The following CNTN4 variants were observed in gnomAD, a reference collection of about 807,000 sequenced individuals.
The protein encoded by CNTN4 is contactin 4.
CNTN4 carries 77 observed loss-of-function variants against 122.5 expected under a neutral mutation model. The ratio of observed to expected loss-of-function variants is 0.63; its 90% CI spans 0.52 to 0.76. The LOEUF (loss-of-function observed/expected upper bound fraction) is 0.76, where lower values mean the gene tolerates loss of function less well. Among genes scored for constraint, CNTN4 ranks in the 30% least tolerant of loss-of-function variants. CNTN4 has a pLI of 0.00. For missense variants in CNTN4, 1,256 were observed against 1,259.1 expected (o/e 1.00, Z 0.04); for synonymous variants, 512 against 447.0 (o/e 1.15, Z -1.83).
intron 3 of CNTN4, among the ~76,000 whole-genome samples, chr3:2,400,451 C>CATATATATATATATATA (rs1559520108): frequency 1.9e-5 from 2 of 107,994 alleles, no homozygotes; most frequent in Non-Finnish European, 2.0e-5. Context: ...ATATATATAT[C>CATATATATATATATATA]TCTTTTTTTC....
chr3:2,289,114 T>G (rs181666692), intron 2 of CNTN4, among the ~76,000 whole-genome samples: 159 of 152,308 alleles, frequency 1.0e-3, no homozygotes, highest in Non-Finnish European at 1.8e-3. Flanking sequence ...GGCTATACAT[T>G]TATAGTTTTA....
At chr3:2,211,261 C>T (rs2038603480) in intron 2 of CNTN4, among the ~76,000 whole-genome samples, 1 of 152,074 alleles carries the variant, frequency 6.6e-6, no homozygotes, top group Admixed American at 6.5e-5. Flanking sequence ...ATCACAAAGA[C>T]AACAGCAAGC....
At chr3:2,551,892 G>A (rs1462076665) in intron 3 of CNTN4, among the ~76,000 whole-genome samples, 5 of 152,136 alleles carry the variant, frequency 3.3e-5, no homozygotes, top group Admixed American at 2.0e-4. Context: ...AAATATTGCT[G>A]TCATCTTAGA....
chr3:2,983,414 T>G (rs949990094), intron 13 of CNTN4, among the ~76,000 whole-genome samples: 2 of 151,986 alleles, frequency 1.3e-5, no homozygotes, highest in African/African-American at 4.8e-5. Flanking sequence ...ACTCAGCAGT[T>G]GTCTTAGTCT....
intron 6 of CNTN4, among the ~76,000 whole-genome samples, chr3:2,812,739 A>G (rs963580280): frequency 1.3e-5 from 2 of 152,230 alleles, no homozygotes; most frequent in African/African-American, 4.8e-5. Context: ...ACCAGGCAGC[A>G]TCTTAAGTGC....
intron 2 of CNTN4, among the ~76,000 whole-genome samples, chr3:2,278,463 G>T (rs1283747102): frequency 6.6e-6 from 1 of 152,084 alleles, no homozygotes; most frequent in East Asian, 1.9e-4. Context: ...TTCTGCCAAG[G>T]TCAGCTCCTC....
At chr3:2,352,474 C>T (rs2044669962) in intron 3 of CNTN4, among the ~76,000 whole-genome samples, 1 of 152,206 alleles carries the variant, frequency 6.6e-6, no homozygotes, top group Admixed American at 6.5e-5. Context: ...CTCCACGGGC[C>T]CCACACTCAG....
intron 2 of CNTN4, among the ~76,000 whole-genome samples, chr3:2,161,766 A>T (rs2035976607): frequency 6.6e-6 from 1 of 152,222 alleles, no homozygotes; most frequent in Non-Finnish European, 1.5e-5. Context: ...ACTAGGAGCC[A>T]GTATAGTTAA....
intron 2 of CNTN4, among the ~76,000 whole-genome samples, chr3:2,135,957 T>A (rs1403538589): frequency 1.3e-5 from 2 of 152,210 alleles, no homozygotes; most frequent in African/African-American, 2.4e-5. Context: ...ATGTTTGATC[T>A]GTTTTTTTCT....
chr3:2,463,399 CATACAGG>C (rs2049304912), intron 3 of CNTN4, among the ~76,000 whole-genome samples: 1 of 152,194 alleles, frequency 6.6e-6, no homozygotes, highest in African/African-American at 2.4e-5. Flanking sequence ...TCATCTTTAG[CATACAGG>C]ATAAGGTTTT....
At chr3:2,218,309 T>A (rs750435438) in intron 2 of CNTN4, among the ~76,000 whole-genome samples, 11 of 152,224 alleles carry the variant, frequency 7.2e-5, no homozygotes, top group Non-Finnish European at 1.5e-4. Flanking sequence ...GATATATTTT[T>A]ATTTTTTATG....
At chr3:2,907,429 T>C (rs1577227953) in intron 12 of CNTN4, among the ~76,000 whole-genome samples, 1 of 152,100 alleles carries the variant, frequency 6.6e-6, no homozygotes, top group East Asian at 1.9e-4. Context: ...AAAAATCAGC[T>C]GGACATGGTG....
intron 4 of CNTN4, among the ~76,000 whole-genome samples, chr3:2,586,129 G>A (rs1237431977): frequency 5.9e-5 from 9 of 152,080 alleles, no homozygotes; most frequent in Admixed American, 5.2e-4. Flanking sequence ...CAACTAAATT[G>A]GGTCAAGTAA....
intron 3 of CNTN4, among the ~76,000 whole-genome samples, chr3:2,357,602 A>G (rs2044926815): frequency 6.6e-6 from 1 of 152,224 alleles, no homozygotes; most frequent in Admixed American, 6.5e-5. Flanking sequence ...GTTGATTGAT[A>G]CTAAAATTTT....
intron 4 of CNTN4, among the ~76,000 whole-genome samples, chr3:2,630,733 C>CGTGTGTG (rs1559326346): frequency 8.8e-4 from 50 of 57,010 alleles, no homozygotes; most frequent in East Asian, 2.3e-3. Flanking sequence ...TGTGTGTGTA[C>CGTGTGTG]TATATGTTTA....
chr3:2,462,818 G>C (rs2049277469), intron 3 of CNTN4, among the ~76,000 whole-genome samples: 1 of 152,160 alleles, frequency 6.6e-6, no homozygotes, highest in African/African-American at 2.4e-5. Flanking sequence ...ATTACATAAA[G>C]AGGTGAGGAC....
intron 7 of CNTN4, among the ~76,000 whole-genome samples, chr3:2,829,174 C>T (rs1264229585): frequency 6.6e-6 from 1 of 152,118 alleles, no homozygotes; most frequent in Non-Finnish European, 1.5e-5. Flanking sequence ...GTTTGCCAAT[C>T]AGAGGGGGTT....
At chr3:2,840,651 A>G (rs746472972) in intron 7 of CNTN4, among the ~76,000 whole-genome samples, 5 of 146,284 alleles carry the variant, frequency 3.4e-5, no homozygotes, top group East Asian at 2.0e-4. Flanking sequence ...GTGAGCCAAG[A>G]TCACACCACT....
At chr3:3,038,395 T>C (rs559690307) in intron 18 of CNTN4, among the ~76,000 whole-genome samples, 1 of 152,252 alleles carries the variant, frequency 6.6e-6, no homozygotes, top group South Asian at 2.1e-4. Flanking sequence ...AAACTCTTCC[T>C]CCCAGAAGCC....
Sources: allele counts gnomAD v4.1 joint callset (sites outside exome capture counted in the v4.1 genomes callset), GRCh38; gene constraint gnomAD v4.1.1; transcripts MANE v1.5; gene names NCBI Gene and HGNC (gene_info 2026-07-23, HGNC 2026-07-21).